Variants in CSE1L observed in about 807,000 individuals in gnomAD.
The protein encoded by CSE1L is chromosome segregation 1 like, also known as exportin-2.
Under a neutral mutation model 120.4 loss-of-function variants are expected in CSE1L, and 24 were observed. That is an observed-to-expected ratio of 0.20 (90% CI 0.14 to 0.28). The LOEUF (loss-of-function observed/expected upper bound fraction) is 0.28, where lower values mean the gene tolerates loss of function less well. Ranked by LOEUF, CSE1L falls within the 10% of genes least tolerant of loss-of-function variation. The probability of loss-of-function intolerance (pLI) is 1.00; values close to 1 mark genes in which losing one functional copy is unlikely to be tolerated. For missense variants in CSE1L, 830 were observed against 1,145.2 expected (o/e 0.72, Z 3.97); for synonymous variants, 402 against 398.3 (o/e 1.01, Z -0.11).
At position 49,094,009 on chromosome 20, in the gene CSE1L, AGAT is replaced by A. The variant is rs1175239580; in HGVS notation, c.2448-127_2448-125del. The A allele has an allele frequency of 1.4e-5, 9 of 621,826 alleles. No individual in the cohort carries two copies. In the African/African-American group the frequency reaches 1.7e-4, roughly 11 times the overall value. The allele number at this position is 621,826 out of a possible 1,614,324, so 38.5% of individuals were successfully genotyped here. A position where few individuals can be genotyped will look rare whatever the true frequency, so the allele number is the denominator to read the frequency against. ...TTATGTTTTGACTTTCAGTCTCTTC[AGAT>A]GATCAAAAACAGCAGTCTTGTTATT... On this transcript the variant is annotated intron_variant, in intron 22 of 24. Transcript: ENST00000262982.
chr20:49,066,639 C>CA, intron 5 of CSE1L, 129 bp downstream of exon 5: 1 of 812,242 alleles, frequency 1.2e-6, no homozygotes. Flanking sequence ...GCAGAAGTTT[C>CA]TGTATTGCGT....
intron 17 of CSE1L, 71 bp from the exon 18 acceptor site, chr20:49,089,174 CTA>C: frequency 8.3e-7 from 1 of 1,211,876 alleles, no homozygotes; most frequent in Non-Finnish European, 1.1e-6. Flanking sequence ...AAGATGGCCT[CTA>C]TTTTAAATGT....
intron 2 of CSE1L, among the ~76,000 whole-genome samples, chr20:49,061,483 A>AT (rs2091852322): frequency 2.7e-4 from 32 of 117,608 alleles, no homozygotes; most frequent in Admixed American, 2.0e-3. Flanking sequence ...AAAAATTATT[A>AT]TTATTATTTA....
intron 1 of CSE1L, among the ~76,000 whole-genome samples, chr20:49,047,225 A>G (rs745397153): frequency 1.1e-4 from 17 of 151,968 alleles, no homozygotes; most frequent in Non-Finnish European, 2.1e-4. Flanking sequence ...CTGAGCCTCC[A>G]TTTCCTTAGC....
chr20:49,051,909 T>C (rs1383567463), intron 1 of CSE1L, among the ~76,000 whole-genome samples: 2 of 152,184 alleles, frequency 1.3e-5, no homozygotes, highest in African/African-American at 4.8e-5. Context: ...TTGCCCACGC[T>C]GGTCTTGAAA....
In CSE1L at chr20:49,068,766, A is replaced by T. The variant is rs2091911799; in HGVS notation, c.619A>T (p.Ile207Phe). The change falls in exon 7 of 25, where the codon ATT becomes TTT. Residue 207 changes from isoleucine to phenylalanine, a missense_variant. This residue lies in a region of CSE1L where 543 missense variants were observed against 640.2 expected (regional missense o/e 0.85). Coordinates refer to ENST00000262982, the MANE Select transcript of CSE1L (RefSeq NM_001316.4). ...THANDASALR[I>F]LFSSLILISK... is the part of the protein sequence containing the mutation. ...TGCAAATGATGCCTCTGCCCTGAGGATTCTGTTTTCTTCCCTGATCCTGAT... is the reference window on the plus strand; with the variant it reads ...TGCAAATGATGCCTCTGCCCTGAGGTTTCTGTTTTCTTCCCTGATCCTGAT... 6.2e-7 allele frequency: 1 copy of T among 1,614,002 alleles called. No individual in the cohort carries two copies.
intron 15 of CSE1L, among the ~76,000 whole-genome samples, chr20:49,084,763 C>A (rs2092040669): frequency 6.6e-6 from 1 of 152,158 alleles, no homozygotes; most frequent in Non-Finnish European, 1.5e-5. Context: ...AGTATTATTT[C>A]TTGAAATGAG....
At chr20:49,057,409 G>A (rs2091817091) in intron 1 of CSE1L, among the ~76,000 whole-genome samples, 1 of 150,040 alleles carries the variant, frequency 6.7e-6, no homozygotes, top group Admixed American at 6.6e-5. Context: ...ACTTTATGTG[G>A]GATATTTATT....
rs377765477 is a variant in CSE1L, at chr20:49,060,907, C to G, written c.86-2295C>G. ...TCTTGACCTGTTTCTTCAAAACTTA[C>G]CAATGTGCATGCTCATAGAGGATGT... is the stretch of plus-strand genomic sequence containing the variant. On this transcript the variant is annotated intron_variant, in intron 2 of 24. Coordinates refer to ENST00000262982, the MANE Select transcript of CSE1L (RefSeq NM_001316.4). Among the ~76,000 whole-genome samples the G allele has an allele frequency of 2.0e-5, 3 of 152,070 alleles. No homozygotes were observed. In the South Asian group the frequency reaches 6.2e-4, roughly 32 times the overall value.
intron 1 of CSE1L, among the ~76,000 whole-genome samples, chr20:49,056,812 G>A (rs1446563085): frequency 6.6e-6 from 1 of 150,896 alleles, no homozygotes; most frequent in East Asian, 1.9e-4. Flanking sequence ...TTGTATAATG[G>A]CTAAATCAAG....
intron 1 of CSE1L, among the ~76,000 whole-genome samples, chr20:49,056,304 A>G (rs973407938): frequency 6.6e-6 from 1 of 152,112 alleles, no homozygotes; most frequent in Admixed American, 6.6e-5. Flanking sequence ...GGGATTCACC[A>G]TGCTGGCCAG....
chr20:49,076,695 A>G (rs2123720672), intron 12 of CSE1L, among the ~76,000 whole-genome samples: 1 of 151,416 alleles, frequency 6.6e-6, no homozygotes, highest in Non-Finnish European at 1.5e-5. Context: ...ACACCTGGCT[A>G]ATTTTTTGTG....
intron 8 of CSE1L, 89 bp downstream of exon 8, chr20:49,070,386 G>C (rs1041710450): frequency 1.5e-6 from 1 of 654,936 alleles, no homozygotes; most frequent in Admixed American, 2.9e-5. Context: ...CTCTTGCATT[G>C]TTAAAAGATA....
At chr20:49,091,578 C>G (rs1470567704) in intron 21 of CSE1L, among the ~76,000 whole-genome samples, 5 of 152,030 alleles carry the variant, frequency 3.3e-5, no homozygotes, top group African/African-American at 1.2e-4. Context: ...TACAAAACAG[C>G]CAAGCATGGT....
intron 22 of CSE1L, 45 bp downstream of exon 22, chr20:49,092,172 C>CT (rs200977425): frequency 0.044 from 48,526 of 1,095,586 alleles, 926 homozygotes; most frequent in Non-Finnish European, 0.053. Context: ...AATGTTTTGA[C>CT]TTTTTTTTTA....
intron 1 of CSE1L, among the ~76,000 whole-genome samples, chr20:49,051,625 A>G (rs1408022771): frequency 3.9e-5 from 6 of 152,280 alleles, no homozygotes; most frequent in Non-Finnish European, 7.3e-5. Context: ...CTCTGCAGGC[A>G]GAAGGAATGG....
At chr20:49,058,248 C>G (rs1468332607) in intron 1 of CSE1L, among the ~76,000 whole-genome samples, 1 of 151,934 alleles carries the variant, frequency 6.6e-6, no homozygotes, top group Non-Finnish European at 1.5e-5. Context: ...TCCCTTATCA[C>G]AAAATTGTCT....
At chr20:49,065,313 A>AATTTTTT (rs775165525) in intron 3 of CSE1L, among the ~76,000 whole-genome samples, 5 of 52,112 alleles carry the variant, frequency 9.6e-5, no homozygotes, top group South Asian at 1.7e-3. Flanking sequence ...TGAAAAAAAA[A>AATTTTTT]TTTTTTTTTT....
Position 49,094,895 on chromosome 20 carries a change from A to G in CSE1L, c.2758A>G (p.Met920Val), listed in dbSNP as rs773253036. The G allele has an allele frequency of 6.2e-7, 1 of 1,614,180 alleles. No individual in the cohort carries two copies. The highest frequency in any genetic ancestry group is 1.1e-5 in the South Asian group (1 of 91,082). ...GKKEHDPVGQ[M>V]VNNPKIHLAQ... ...AAAAGAGCATGATCCTGTAGGTCAA[A>G]TGGTGAATAACCCCAAAATTCACCT... is the stretch of plus-strand genomic sequence containing the variant. Residue 920 changes from methionine to valine, a missense_variant, in exon 24 of 25, where the codon ATG becomes GTG. Met to Val is a conservative substitution (Grantham distance 21). This residue lies in a region of CSE1L where 112 missense variants were observed against 200.0 expected (regional missense o/e 0.56). Transcript: ENST00000262982.
Sources: allele counts gnomAD v4.1 joint callset (sites outside exome capture counted in the v4.1 genomes callset), GRCh38; gene constraint gnomAD v4.1.1; regional missense constraint gnomAD v4.1.1; transcripts MANE v1.5; gene names NCBI Gene and HGNC (gene_info 2026-07-23, HGNC 2026-07-21).